The following DIP2C variants were observed in gnomAD, a reference collection of about 807,000 sequenced individuals.
DIP2C encodes the protein disco-interacting protein 2 homolog C.
A neutral mutation model predicts 192.4 loss-of-function variants in DIP2C; 33 were observed. That is an observed-to-expected ratio of 0.17 (90% confidence interval 0.13 to 0.23). The LOEUF (loss-of-function observed/expected upper bound fraction) is 0.23, where lower values mean the gene tolerates loss of function less well. DIP2C is among the 10% of genes least tolerant of loss of function. DIP2C has a pLI of 1.00. For synonymous variants in DIP2C, 979 were observed against 864.1 expected, an observed-to-expected ratio of 1.13 and a Z score of -2.33; for missense variants, 1,537 against 2,110.1, an observed-to-expected ratio of 0.73 and a Z score of 5.32.
rs1273853073 is a variant in DIP2C, at chr10:352,099, G to GT, written c.2986-2646dup. On this transcript the variant is annotated intron_variant, in intron 24 of 36. Transcript: ENST00000280886. ...GCCTGCAGCAGCAGTGCCCAGTCTG[G>GT]TTTGTTCGGCTTGTGGAACTGTTTC... Among the ~76,000 whole-genome samples, 3 of 152,234 alleles carry GT rather than the reference G, an allele frequency of 2.0e-5. No individual in the cohort carries two copies. In the East Asian group the frequency reaches 5.8e-4, roughly 29 times the overall value.
intron 18 of DIP2C, among the ~76,000 whole-genome samples, chr10:367,068 C>G (rs1230642233): frequency 6.6e-6 from 1 of 152,210 alleles, no homozygotes; most frequent in East Asian, 1.9e-4. Flanking sequence ...ACAGCCGGCA[C>G]CCGCTGGGCT....
chr10:559,873 C>T (rs2130990478), intron 1 of DIP2C, among the ~76,000 whole-genome samples: 1 of 152,320 alleles, frequency 6.6e-6, no homozygotes, highest in South Asian at 2.1e-4. Flanking sequence ...AGACATCCAC[C>T]CACCTGGCCA....
chr10:450,532 C>T (rs1301316485), intron 3 of DIP2C, among the ~76,000 whole-genome samples: 1 of 152,144 alleles, frequency 6.6e-6, no homozygotes, highest in Non-Finnish European at 1.5e-5. Flanking sequence ...ATAAAAAAGA[C>T]TGTATAAAAA....
chr10:634,841 G>A (rs1033019606), intron 1 of DIP2C, among the ~76,000 whole-genome samples: 3 of 152,158 alleles, frequency 2.0e-5, no homozygotes, highest in Non-Finnish European at 4.4e-5. Flanking sequence ...GGAGGGTAGC[G>A]TAAAATTATC....
chr10:617,582 G>A (rs932041050), intron 1 of DIP2C, among the ~76,000 whole-genome samples: 1 of 151,918 alleles, frequency 6.6e-6, no homozygotes, highest in Admixed American at 6.5e-5. Flanking sequence ...ACCTCCCATT[G>A]CTCCACGCAG....
At chr10:519,755 T>G (rs1273487306) in intron 1 of DIP2C, among the ~76,000 whole-genome samples, 1 of 152,236 alleles carries the variant, frequency 6.6e-6, no homozygotes, top group Non-Finnish European at 1.5e-5. Flanking sequence ...CGCTAACACT[T>G]TCTCTGCATG....
chr10:356,630 G>T, intron 23 of DIP2C, 124 bp from the exon 24 acceptor site: 1 of 717,444 alleles, frequency 1.4e-6, no homozygotes, highest in Non-Finnish European at 2.3e-6. Flanking sequence ...AAAACCGCAT[G>T]CTTCTCTGCA....
chr10:578,993 G>A (rs1850374398), intron 1 of DIP2C, among the ~76,000 whole-genome samples: 1 of 152,048 alleles, frequency 6.6e-6, no homozygotes. Flanking sequence ...ACATATGTAG[G>A]TACACTATAA....
rs147435181 is a variant in DIP2C, at chr10:378,393, A to G, written c.1991+4254T>C. Among the ~76,000 whole-genome samples, 927 of 152,364 alleles carry G rather than the reference A, an allele frequency of 6.1e-3. 4 individuals carry two copies. The highest frequency in any genetic ancestry group is 0.014 in the Middle Eastern group (4 of 294). On this transcript the variant is annotated intron_variant, in intron 17 of 36. Coordinates refer to ENST00000280886, the MANE Select transcript of DIP2C (RefSeq NM_014974.3). The stretch of plus-strand genomic sequence containing the variant: ...AACACAAACACGAAAACAGGCATAC[A>G]CAGGTGAAGACAGACATGAAGGCAT...
At chr10:353,290 A>C (rs760327863) in intron 24 of DIP2C, among the ~76,000 whole-genome samples, 119 of 152,180 alleles carry the variant, frequency 7.8e-4, no homozygotes, top group Admixed American at 2.2e-3. Context: ...GGGAAAAAAA[A>C]CCCAAGAAGA....
chr10:366,125 A>T, intron 19 of DIP2C, 150 bp downstream of exon 19: 1 of 1,136,354 alleles, frequency 8.8e-7, no homozygotes, highest in Non-Finnish European at 1.2e-6. Context: ...AAAAGCGATA[A>T]AAAGTGGTAA....
chr10:400,130 G>C (rs903972086), intron 9 of DIP2C, among the ~76,000 whole-genome samples: 11 of 150,996 alleles, frequency 7.3e-5, no homozygotes, highest in East Asian at 5.9e-4. Flanking sequence ...CTGCAGCCTT[G>C]AACTCCTGGG....
chr10:434,428 T>C (rs1315986786), intron 4 of DIP2C, among the ~76,000 whole-genome samples: 3 of 152,064 alleles, frequency 2.0e-5, no homozygotes, highest in African/African-American at 7.2e-5. Context: ...GGACTACAGG[T>C]GTCAGCCACC....
At chr10:448,074 T>G (rs879003864) in intron 3 of DIP2C, among the ~76,000 whole-genome samples, 6 of 87,032 alleles carry the variant, frequency 6.9e-5, no homozygotes, top group African/African-American at 1.2e-4. Context: ...CATCCCCGTC[T>G]ATACTCAGGA....
intron 1 of DIP2C, among the ~76,000 whole-genome samples, chr10:535,248 T>C (rs1037746836): frequency 6.6e-6 from 1 of 152,044 alleles, no homozygotes; most frequent in African/African-American, 2.4e-5. Flanking sequence ...GAGCTGGAGC[T>C]GAACTTTCCT....
At chr10:509,331 CAG>C (rs1588340640) in intron 1 of DIP2C, among the ~76,000 whole-genome samples, 7 of 151,994 alleles carry the variant, frequency 4.6e-5, no homozygotes, top group Admixed American at 3.9e-4. Flanking sequence ...AACTGAAGCT[CAG>C]AGACACTAAG....
intron 3 of DIP2C, among the ~76,000 whole-genome samples, chr10:443,086 T>C (rs999861299): frequency 6.6e-6 from 1 of 152,220 alleles, no homozygotes; most frequent in African/African-American, 2.4e-5. Context: ...GCAATGTTAA[T>C]GTCGGCAACT....
At chr10:398,999 G>T (rs758366010) in intron 10 of DIP2C, 110 bp downstream of exon 10, 1 of 928,912 alleles carries the variant, frequency 1.1e-6, no homozygotes, top group Non-Finnish European at 1.7e-6. Context: ...GGCAACCGAA[G>T]GAAACCCAGG....
At position 305,968 on chromosome 10, in the gene DIP2C, G is replaced by C. The variant is rs576961953; in HGVS notation, c.3986+4063C>G. Reference sequence around the variant, plus strand: ...CCTTAAAACCGCATCTTCAAATGCAGACAAATATATATATATATATATATA... The same window carrying C: ...CCTTAAAACCGCATCTTCAAATGCACACAAATATATATATATATATATATA... On this transcript the variant is annotated intron_variant, in intron 32 of 36. Coordinates refer to ENST00000280886, the MANE Select transcript of DIP2C (RefSeq NM_014974.3). 4.0e-3 allele frequency among the ~76,000 whole-genome samples: 88 copies of C among 22,222 alleles called. 2 individuals are homozygous for C. The South Asian group carries it at 0.18, about 46-fold the overall frequency. 14.6% of individuals were successfully genotyped at this position (22,222 alleles called of 152,430 possible).
Sources: gnomAD v4.1 joint callset for allele counts (sites outside exome capture counted in the v4.1 genomes callset) on GRCh38, gnomAD v4.1.1 for gene constraint, MANE v1.5 for transcripts, NCBI Gene and HGNC (gene_info 2026-07-23, HGNC 2026-07-21) for gene names.